Variants in SEC14L1 observed in about 807,000 individuals in gnomAD.
SEC14L1 encodes the protein SEC14 like lipid binding 1, also known as SEC14-like protein 1.
In SEC14L1, 48 loss-of-function variants were observed where a neutral mutation model predicts 85.3. The observed-to-expected ratio is 0.56, with a 90% confidence interval of 0.45 to 0.72. The LOEUF (loss-of-function observed/expected upper bound fraction) is 0.72. Among genes scored for constraint, SEC14L1 ranks in the 30% least tolerant of loss-of-function variants. SEC14L1 has a pLI of 0.00. For synonymous variants in SEC14L1, 391 were observed against 355.5 expected, an observed-to-expected ratio of 1.10 and a Z score of -1.12; for missense variants, 682 against 921.4, an observed-to-expected ratio of 0.74 and a Z score of 3.36.
intron 3 of SEC14L1, among the ~76,000 whole-genome samples, chr17:77,130,567 C>G (rs1972581967): frequency 6.6e-6 from 1 of 152,170 alleles, no homozygotes; most frequent in African/African-American, 2.4e-5. Flanking sequence ...AAGTGATTCA[C>G]CTGCCTCGAC....
chr17:77,175,313 G>T (rs1974702830), intron 3 of SEC14L1, among the ~76,000 whole-genome samples: 1 of 152,202 alleles, frequency 6.6e-6, no homozygotes. Flanking sequence ...CACACCCAAA[G>T]GTTGGGCTCA....
chr17:77,148,548 C>G (rs1480487294), intron 3 of SEC14L1, among the ~76,000 whole-genome samples: 1 of 152,174 alleles, frequency 6.6e-6, no homozygotes, highest in East Asian at 1.9e-4. Context: ...TCACTGTGCC[C>G]TAGGAGTGCT....
chr17:77,168,173 G>A (rs1029044598), intron 3 of SEC14L1, among the ~76,000 whole-genome samples: 1 of 152,206 alleles, frequency 6.6e-6, no homozygotes, highest in African/African-American at 2.4e-5. Flanking sequence ...TTGTTCGGAG[G>A]CTAGAAACAA....
intron 3 of SEC14L1, among the ~76,000 whole-genome samples, chr17:77,175,556 C>T (rs546815614): frequency 2.9e-4 from 44 of 152,332 alleles, no homozygotes; most frequent in Admixed American, 1.6e-3. Flanking sequence ...CTGTGGTGCC[C>T]GGGCAGCTGT....
At position 77,158,691 on chromosome 17, in the gene SEC14L1, C is replaced by T. The variant is rs114868327; in HGVS notation, c.63+15032C>T. Among the ~76,000 whole-genome samples the T allele has an allele frequency of 7.4e-3, 1,118 of 150,844 alleles. 9 individuals carry two copies. Among genetic ancestry groups the T allele is most frequent in the African/African-American group, 0.022 (890 of 41,070 alleles). ...TGTACTCAATTGTATCTGCCACATTCTGCTCATCCATTGACTTACCGATGG... is the reference window on the plus strand; with the variant it reads ...TGTACTCAATTGTATCTGCCACATTTTGCTCATCCATTGACTTACCGATGG... On this transcript the variant is annotated intron_variant, in intron 3 of 16. Transcript: ENST00000436233.
In SEC14L1 at chr17:77,214,697, A is replaced by G. The variant is rs1337070224; in HGVS notation, c.*674A>G. The G allele has an allele frequency of 5.1e-6, 5 of 985,388 alleles. No individual in the cohort carries two copies. In the African/African-American group the frequency reaches 7.0e-5, roughly 14 times the overall value. 61.0% of individuals were successfully genotyped at this position (985,388 alleles called of 1,614,324 possible). ...TCCAGGAAAATGCTGCCATCGTTAAACATTACTTTCTCTTTCCTCCTTTTC... is the reference window on the plus strand; with the variant it reads ...TCCAGGAAAATGCTGCCATCGTTAAGCATTACTTTCTCTTTCCTCCTTTTC... On this transcript the variant is annotated 3_prime_UTR_variant, in exon 17 of 17. Coordinates refer to ENST00000436233, the MANE Select transcript of SEC14L1 (RefSeq NM_001143998.2).
At chr17:77,179,782 C>A (rs989613605) in intron 3 of SEC14L1, among the ~76,000 whole-genome samples, 8 of 151,856 alleles carry the variant, frequency 5.3e-5, no homozygotes, top group African/African-American at 1.9e-4. Flanking sequence ...TCATGCCATT[C>A]TCCTGCCTCA....
intron 3 of SEC14L1, among the ~76,000 whole-genome samples, chr17:77,156,244 G>A (rs944924392): frequency 1.3e-5 from 2 of 152,076 alleles, no homozygotes; most frequent in African/African-American, 4.8e-5. Flanking sequence ...AACTGCCAGT[G>A]TTCCCAGGGT....
At position 77,206,859 on chromosome 17, in the gene SEC14L1, C is replaced by A; in HGVS notation, c.1473C>A (p.Cys491Ter). 6.2e-7 allele frequency: 1 copy of A among 1,600,614 alleles called. No individual in the cohort carries two copies. Among genetic ancestry groups the A allele is most frequent in the South Asian group, 1.1e-5 (1 of 88,290 alleles). ...EIIPDFLSGECMCEVPEGGLV... is the reference protein window; with the variant it reads ...EIIPDFLSGE The stretch of plus-strand genomic sequence containing the variant: ...TTCCAGATTTCCTGAGTGGGGAGTG[C>A]ATGGTATGTCCTGAGGCGAGGAACT... Residue 491 changes from cysteine to a stop codon, truncating the protein, a stop_gained, in exon 13 of 17, where the codon TGC becomes TGA. Transcript: ENST00000436233. LOFTEE classifies it high-confidence loss of function. This position sits in a 1 kb window ranked among gnomAD's most constrained non-coding sequence, Gnocchi z 4.3.
intron 3 of SEC14L1, among the ~76,000 whole-genome samples, chr17:77,150,445 T>G (rs996174661): frequency 1.3e-5 from 2 of 152,218 alleles, no homozygotes; most frequent in African/African-American, 4.8e-5. Context: ...TGAATCAGTT[T>G]ATAAGTGAGT....
At chr17:77,130,372 A>G (rs1467304019) in intron 3 of SEC14L1, among the ~76,000 whole-genome samples, 3 of 152,102 alleles carry the variant, frequency 2.0e-5, no homozygotes, top group African/African-American at 7.2e-5. Context: ...GCTGGAGTGC[A>G]GTGGCGCTGT....
intron 3 of SEC14L1, among the ~76,000 whole-genome samples, chr17:77,149,617 T>C (rs534991915): frequency 6.6e-6 from 1 of 152,328 alleles, no homozygotes; most frequent in South Asian, 2.1e-4. Context: ...GAGGATCCTT[T>C]GAGCCCAGGA....
Position 77,213,820 on chromosome 17 carries a change from A to G in SEC14L1, c.2043-98A>G, listed in dbSNP as rs1374236606. ...GCACTGATGGGGATGAGAAGTGAGC[A>G]GAGAACAGGGTGGGCCACGAAGTCC... On this transcript the variant is annotated intron_variant, in intron 16 of 16. Transcript: ENST00000436233. This position sits in a 1 kb window ranked among gnomAD's most constrained non-coding sequence, Gnocchi z 7.1. 2 of 1,437,946 alleles carry G rather than the reference A, an allele frequency of 1.4e-6. No individual in the cohort carries two copies. The highest frequency in any genetic ancestry group is 3.4e-5 in the Admixed American group (2 of 59,504). 89.1% of individuals were successfully genotyped at this position (1,437,946 alleles called of 1,614,324 possible).
chr17:77,108,006 AGT>A (rs977136887), intron 3 of SEC14L1, among the ~76,000 whole-genome samples: 1 of 152,058 alleles, frequency 6.6e-6, no homozygotes, highest in Non-Finnish European at 1.5e-5. Context: ...CGCCTCCCAA[AGT>A]GTTAAAATTA....
At chr17:77,158,684 C>T (rs956736003) in intron 3 of SEC14L1, among the ~76,000 whole-genome samples, 16 of 152,002 alleles carry the variant, frequency 1.1e-4, no homozygotes, top group African/African-American at 2.9e-4. Context: ...ATTGTATCTG[C>T]CACATTCTGC....
intron 3 of SEC14L1, among the ~76,000 whole-genome samples, chr17:77,173,001 TC>T (rs1310676569): frequency 6.6e-6 from 1 of 152,168 alleles, no homozygotes; most frequent in East Asian, 1.9e-4. Flanking sequence ...CGAATCATGC[TC>T]CTGTCTTCTC....
intron 3 of SEC14L1, among the ~76,000 whole-genome samples, chr17:77,173,558 A>G (rs1013868110): frequency 6.6e-6 from 1 of 152,162 alleles, no homozygotes; most frequent in Non-Finnish European, 1.5e-5. Flanking sequence ...CCGTCAGCAC[A>G]GGGCATAGCG....
intron 2 of SEC14L1, among the ~76,000 whole-genome samples, chr17:77,143,095 T>C (rs1973132634): frequency 1.4e-5 from 2 of 142,654 alleles, no homozygotes; most frequent in South Asian, 2.3e-4. Flanking sequence ...TAGTTTGAGA[T>C]ACAGTAGTAT....
chr17:77,106,702 G>A (rs941764420), intron 3 of SEC14L1, among the ~76,000 whole-genome samples: 17 of 151,978 alleles, frequency 1.1e-4, no homozygotes, highest in Non-Finnish European at 2.9e-5. Flanking sequence ...TGGGTGTGGT[G>A]GCCCGCACCT....
Sources: allele counts gnomAD v4.1 joint callset (sites outside exome capture counted in the v4.1 genomes callset), GRCh38; gene constraint gnomAD v4.1.1; non-coding constraint Gnocchi (gnomAD v3.1); transcripts MANE v1.5; gene names NCBI Gene and HGNC (gene_info 2026-07-23, HGNC 2026-07-21).